The following ADGRL3 variants were observed in gnomAD, a reference collection of about 807,000 sequenced individuals.
The protein encoded by ADGRL3 is calcium-independent alpha-latrotoxin receptor 3.
In ADGRL3, 62 loss-of-function variants were observed where a neutral mutation model predicts 153.5. The observed-to-expected ratio is 0.40, with a 90% CI of 0.33 to 0.50. The LOEUF is 0.50. Ranked by LOEUF, ADGRL3 falls within the 20% of genes least tolerant of loss-of-function variation. The probability of loss-of-function intolerance (pLI) is 0.47; values close to 1 mark genes in which losing one functional copy is unlikely to be tolerated. For missense variants in ADGRL3, 1,641 were observed against 1,859.4 expected, an observed-to-expected ratio of 0.88 and a Z score of 2.16; for synonymous variants, 710 against 672.5, an observed-to-expected ratio of 1.06 and a Z score of -0.86.
At chr4:61,535,305 G>A (rs557933858) in intron 4 of ADGRL3, among the ~76,000 whole-genome samples, 13 of 152,022 alleles carry the variant, frequency 8.6e-5, no homozygotes, top group Non-Finnish European at 1.8e-4. Flanking sequence ...TGATCGTGAT[G>A]GATTATTTTT....
chr4:61,621,737 C>T (rs957154905), intron 5 of ADGRL3, among the ~76,000 whole-genome samples: 9 of 151,818 alleles, frequency 5.9e-5, no homozygotes, highest in African/African-American at 2.2e-4. Context: ...AAGATAGCAG[C>T]GCTAATTAAT....
chr4:61,977,295 G>A (rs1200758453), intron 17 of ADGRL3, among the ~76,000 whole-genome samples: 1 of 148,542 alleles, frequency 6.7e-6, no homozygotes, highest in Non-Finnish European at 1.5e-5. Flanking sequence ...TTTCCATTAT[G>A]AAAGACTGCT....
At chr4:61,902,457 C>T (rs2098669782) in intron 11 of ADGRL3, among the ~76,000 whole-genome samples, 1 of 152,138 alleles carries the variant, frequency 6.6e-6, no homozygotes, top group Non-Finnish European at 1.5e-5. Context: ...AATCCTTTCC[C>T]CTGAATTTGA....
intron 1 of ADGRL3, among the ~76,000 whole-genome samples, chr4:61,267,483 C>T (rs765763440): frequency 2.4e-4 from 37 of 151,712 alleles, no homozygotes; most frequent in Non-Finnish European, 4.0e-4. Context: ...CAGATGGATT[C>T]ATTTGCACCT....
At chr4:61,565,597 G>T (rs1050920914) in intron 4 of ADGRL3, among the ~76,000 whole-genome samples, 13 of 152,110 alleles carry the variant, frequency 8.5e-5, no homozygotes, top group South Asian at 4.2e-4. Context: ...AAGTGCAGTG[G>T]CATGATCTTG....
chr4:61,945,974 A>G (rs557160543), intron 15 of ADGRL3, among the ~76,000 whole-genome samples: 2 of 152,234 alleles, frequency 1.3e-5, no homozygotes, highest in African/African-American at 2.4e-5. Flanking sequence ...AGTATATTCT[A>G]TTATATAATG....
At chr4:61,849,243 T>C (rs1229170252) in intron 9 of ADGRL3, among the ~76,000 whole-genome samples, 1 of 152,114 alleles carries the variant, frequency 6.6e-6, no homozygotes, top group African/African-American at 2.4e-5. Context: ...TCACTTTCTT[T>C]TATTAGGACT....
intron 2 of ADGRL3, among the ~76,000 whole-genome samples, chr4:61,413,366 C>T (rs1377614401): frequency 2.6e-5 from 4 of 151,976 alleles, no homozygotes; most frequent in Non-Finnish European, 4.4e-5. Flanking sequence ...AGTGGGGAAA[C>T]GGGTGCTCTT....
At chr4:61,769,080 G>C (rs1394207639) in intron 8 of ADGRL3, among the ~76,000 whole-genome samples, 1 of 151,704 alleles carries the variant, frequency 6.6e-6, no homozygotes, top group Non-Finnish European at 1.5e-5. Context: ...CCAGGAAAGC[G>C]GGACTTGCCG....
intron 1 of ADGRL3, among the ~76,000 whole-genome samples, chr4:61,322,632 A>G (rs2150785868): frequency 6.6e-6 from 1 of 152,302 alleles, no homozygotes; most frequent in South Asian, 2.1e-4. Context: ...GGACAGTCAA[A>G]TGTTAGAGCT....
intron 4 of ADGRL3, among the ~76,000 whole-genome samples, chr4:61,519,945 G>A (rs894252541): frequency 9.2e-5 from 14 of 152,206 alleles, no homozygotes; most frequent in African/African-American, 2.6e-4. Context: ...ACCTCTGTTC[G>A]TTCTGTAGAT....
At chr4:61,293,470 A>G (rs1394188050) in intron 1 of ADGRL3, among the ~76,000 whole-genome samples, 1 of 152,120 alleles carries the variant, frequency 6.6e-6, no homozygotes, top group Non-Finnish European at 1.5e-5. Flanking sequence ...TCAAAACTGT[A>G]CTTTAACTGT....
In ADGRL3 at chr4:62,077,983, TG is replaced by T. The variant is rs1747679090; in HGVS notation, c.*7077del. 6.6e-6 allele frequency: 1 copy of T among 151,962 alleles called. No homozygotes were observed. Among genetic ancestry groups the T allele is most frequent in the African/African-American group, 2.4e-5 (1 of 41,434 alleles). The allele number at this position is 151,962 out of a possible 1,614,324, so 9.4% of individuals were successfully genotyped here. ...ATGCATTGGAAGTGGATGGATAACT[TG>T]GAACTTTTTCCATACTGTTTTCCCC... On this transcript the variant is annotated 3_prime_UTR_variant, in exon 27 of 27. Transcript: ENST00000683033.
chr4:61,909,680 C>T lies in ADGRL3; in HGVS notation c.2008C>T (p.Leu670=). 6.2e-7 allele frequency: 1 copy of T among 1,603,754 alleles called. No homozygotes were observed. The highest frequency in any genetic ancestry group is 8.5e-7 in the Non-Finnish European group (1 of 1,174,972). Residue 670 remains leucine, a synonymous_variant, in exon 12 of 27, where the codon CTA becomes TTA. Coordinates refer to ENST00000683033, the MANE Select transcript of ADGRL3 (RefSeq NM_001387552.1). ...GGCCATGGACCAGCTGGTAGGCCTC[C>T]TAGATGTACAGCTTCGGAACTTGAC... ...VRAMDQLVGL[L]DVQLRNLTPG... is the part of the protein sequence containing the mutation.
chr4:62,057,746 C>T (rs1737839278), intron 25 of ADGRL3, among the ~76,000 whole-genome samples: 1 of 152,058 alleles, frequency 6.6e-6, no homozygotes. Context: ...GGTGTGATCT[C>T]AACTAACTGC....
intron 4 of ADGRL3, among the ~76,000 whole-genome samples, chr4:61,585,755 G>T (rs2098943891): frequency 6.6e-6 from 1 of 151,942 alleles, no homozygotes; most frequent in Non-Finnish European, 1.5e-5. Flanking sequence ...ATAATGTAGT[G>T]ATTATGTTCA....
chr4:61,833,436 A>G (rs2148893907), intron 9 of ADGRL3, among the ~76,000 whole-genome samples: 1 of 152,296 alleles, frequency 6.6e-6, no homozygotes, highest in South Asian at 2.1e-4. Context: ...CCGAGCATTC[A>G]GGGATCAGAG....
At chr4:61,643,440 C>G (rs1391685392) in intron 5 of ADGRL3, among the ~76,000 whole-genome samples, 1 of 151,634 alleles carries the variant, frequency 6.6e-6, no homozygotes, top group South Asian at 2.1e-4. Flanking sequence ...ATAGATAGCT[C>G]TTATTATTTT....
At chr4:61,711,253 T>C (rs1371282330) in intron 6 of ADGRL3, among the ~76,000 whole-genome samples, 1 of 151,790 alleles carries the variant, frequency 6.6e-6, no homozygotes, top group African/African-American at 2.4e-5. Context: ...AAATTGTATT[T>C]GCCTATTACT....
Sources: allele counts gnomAD v4.1 joint callset (sites outside exome capture counted in the v4.1 genomes callset), GRCh38; gene constraint gnomAD v4.1.1; transcripts MANE v1.5; gene names NCBI Gene and HGNC (gene_info 2026-07-23, HGNC 2026-07-21).